CEP250: variants seen among roughly 807,000 people sequenced by gnomAD.
The protein encoded by CEP250 is centrosome-associated protein CEP250.
In CEP250, 242 loss-of-function variants were observed where a neutral mutation model predicts 315.7. The observed-to-expected ratio is 0.77, with a 90% CI of 0.69 to 0.85. CEP250 has a LOEUF of 0.85. Ranked by LOEUF, CEP250 falls within the 40% of genes least tolerant of loss-of-function variation. The pLI is 0.00. For synonymous variants in CEP250, 1,088 were observed against 1,175.0 expected (o/e 0.93, Z 1.51); for missense variants, 2,515 against 2,886.4 (o/e 0.87, Z 2.95).
rs10649518 is a variant in CEP250 at position 35,467,943 on chromosome 20, C to CTTTTTT, written c.851+403_851+408dup. On this transcript the variant is annotated intron_variant, in intron 9 of 34. Transcript: ENST00000397527. ...CTAAGACATAGTTCAAATATTACCT[C>CTTTTTT]TTTTTTTTTTTTTTTTTTTTGAGAC... Among the ~76,000 whole-genome samples, 438 of 117,932 alleles carry CTTTTTT rather than the reference C, an allele frequency of 3.7e-3. 16 individuals are homozygous for CTTTTTT. The highest frequency in any genetic ancestry group is 0.012 in the African/African-American group (352 of 28,412). The allele number at this position is 117,932 out of a possible 152,430, so 77.4% of individuals were successfully genotyped here. A position where few individuals can be genotyped will look rare whatever the true frequency, so the allele number is the denominator to read the frequency against.
At chr20:35,470,329 AC>A (rs1338714223) in intron 10 of CEP250, among the ~76,000 whole-genome samples, 2 of 152,244 alleles carry the variant, frequency 1.3e-5, no homozygotes, top group Non-Finnish European at 2.9e-5. Context: ...AAATCTAGTC[AC>A]ATGGGAAACA....
At chr20:35,509,224 A>G (rs1169724756) in intron 33 of CEP250, among the ~76,000 whole-genome samples, 180 bp downstream of exon 33, 1 of 152,136 alleles carries the variant, frequency 6.6e-6, no homozygotes, top group Admixed American at 6.5e-5. Context: ...AAGGAGGCCC[A>G]ACATTGGGGT....
At chr20:35,486,502 C>A (rs552482142) in intron 20 of CEP250, among the ~76,000 whole-genome samples, 1 of 152,192 alleles carries the variant, frequency 6.6e-6, no homozygotes, top group East Asian at 1.9e-4. Context: ...CACAGCCTCC[C>A]AAACTGCTGG....
rs1451562176 is a variant in CEP250 at position 35,503,581 on chromosome 20, G to A, written c.5212G>A (p.Val1738Met). 1.2e-6 allele frequency: 2 copies of A among 1,614,016 alleles called. No homozygotes were observed. Among genetic ancestry groups the A allele is most frequent in the African/African-American group, 1.3e-5 (1 of 74,924 alleles). ...KLILRDKEKEVECQQEHIHEL... is the reference protein window; with the variant it reads ...KLILRDKEKEMECQQEHIHEL... ...GATCCTGCGTGATAAGGAGAAGGAG[G>A]TGGAATGTCAGCAGGAGCATATCCA... is the stretch of plus-strand genomic sequence containing the variant. Residue 1738 changes from valine (V) to methionine (M), a missense_variant, in exon 30 of 35, where the codon GTG (valine) becomes ATG (methionine). Physicochemically the swap from Val to Met is conservative, Grantham distance 21. Coordinates refer to ENST00000397527, the MANE Select transcript of CEP250 (RefSeq NM_007186.6). This position sits in a 1 kb window ranked among gnomAD's most constrained non-coding sequence, Gnocchi z 4.2.
At chr20:35,494,099 C>T (rs1371776732) in intron 23 of CEP250, among the ~76,000 whole-genome samples, 1 of 152,166 alleles carries the variant, frequency 6.6e-6, no homozygotes. Context: ...CCTCAGCCCC[C>T]TGAGTAGCTG....
At position 35,497,723 on chromosome 20, in the gene CEP250, A is replaced by G; in HGVS notation, c.3311A>G (p.Glu1104Gly). 2 of 1,545,470 alleles carry G rather than the reference A, an allele frequency of 1.3e-6. No individual in the cohort carries two copies. Among genetic ancestry groups the G allele is most frequent in the Non-Finnish European group, 1.7e-6 (2 of 1,142,928 alleles). Residue 1104 changes from glutamate (E) to glycine (G), a missense_variant, in exon 26 of 35, where the codon GAA becomes GGA. Physicochemically the swap from Glu to Gly is moderately conservative, Grantham distance 98 (BLOSUM62 -2). Transcript: ENST00000397527. ...GEQKELSAQM[E>G]LLRQEVKEKE... The stretch of plus-strand genomic sequence containing the variant: ...TGTAAAATTCTTCCTTGACAGATGG[A>G]ATTACTAAGGCAAGAGGTGAAGGAA...
At chr20:35,463,534 C>G (rs2062805154) in intron 4 of CEP250, 41 bp from the exon 5 acceptor site, 2 of 1,563,538 alleles carry the variant, frequency 1.3e-6, no homozygotes, top group Non-Finnish European at 1.7e-6. Flanking sequence ...CTGTTTGTGC[C>G]AGCTGTGTTC....
chr20:35,489,187 C>CAAA (rs56824051), intron 20 of CEP250, among the ~76,000 whole-genome samples: 10,134 of 124,594 alleles, frequency 0.081, 495 homozygotes, highest in African/African-American at 0.14. Flanking sequence ...GACTCTGTCT[C>CAAA]AAAAAAAAAA....
intron 3 of CEP250, among the ~76,000 whole-genome samples, chr20:35,461,801 A>C (rs2062762240): frequency 6.6e-6 from 1 of 152,232 alleles, no homozygotes; most frequent in East Asian, 1.9e-4. Context: ...TAAAGCACTT[A>C]AAGCAACAGC....
chr20:35,485,645 CTTTTT>C (rs782622070), intron 20 of CEP250, among the ~76,000 whole-genome samples: 5 of 33,788 alleles, frequency 1.5e-4, no homozygotes, highest in African/African-American at 3.7e-4. Context: ...GTCTGCCTGG[CTTTTT>C]TTTTTTTTTT....
intron 30 of CEP250, 96 bp downstream of exon 30, chr20:35,505,101 G>A (rs2064148576): frequency 9.4e-7 from 1 of 1,061,516 alleles, no homozygotes; most frequent in Non-Finnish European, 1.3e-6. Flanking sequence ...GGCACCTCAG[G>A]GGTATGAGAA....
chr20:35,473,576 C>T (rs1224648486), intron 13 of CEP250, 24 bp downstream of exon 13: 1 of 1,587,188 alleles, frequency 6.3e-7, no homozygotes, highest in African/African-American at 1.3e-5. Flanking sequence ...CTGTTCATCC[C>T]ACCCTCCCAG....
intron 20 of CEP250, among the ~76,000 whole-genome samples, chr20:35,486,758 A>G (rs1388076149): frequency 6.6e-6 from 1 of 152,196 alleles, no homozygotes; most frequent in Non-Finnish European, 1.5e-5. Context: ...ATTATGAGGC[A>G]GGCTTATTGG....
intron 23 of CEP250, 178 bp from the exon 24 acceptor site, chr20:35,494,346 T>G: frequency 2.7e-6 from 2 of 728,158 alleles, no homozygotes; most frequent in Non-Finnish European, 4.5e-6. Flanking sequence ...CCAGGCCGAA[T>G]TGTATTGAGG....
Position 35,477,682 on chromosome 20 carries a change from C to T in CEP250, c.1864-189C>T, listed in dbSNP as rs1444478644. The stretch of plus-strand genomic sequence containing the variant: ...CTTGCATATCTCCGTCCCCAGCATC[C>T]AGCCCATCTAGTACCTGGAATATAG... On this transcript the variant is annotated intron_variant, in intron 16 of 34. Transcript: ENST00000397527. 3.2e-5 allele frequency: 19 copies of T among 594,340 alleles called. 1 individual carries two copies. The highest frequency in any genetic ancestry group is 6.2e-5 in the South Asian group (3 of 48,630). The allele number at this position is 594,340 out of a possible 1,614,324, so 36.8% of individuals were successfully genotyped here. A position where few individuals can be genotyped will look rare whatever the true frequency, so the allele number is the denominator to read the frequency against.
At chr20:35,467,890 T>C (rs2146728768) in intron 9 of CEP250, among the ~76,000 whole-genome samples, 1 of 150,178 alleles carries the variant, frequency 6.7e-6, no homozygotes, top group South Asian at 2.1e-4. Flanking sequence ...CTGGAATGCC[T>C]CCCTCCCTTC....
chr20:35,494,762 A>G, intron 24 of CEP250, 105 bp downstream of exon 24: 1 of 1,296,284 alleles, frequency 7.7e-7, no homozygotes, highest in Non-Finnish European at 1.1e-6. Context: ...CATGTCTGCA[A>G]CTCTGGGATG....
chr20:35,498,747 C>G (rs567708260), intron 27 of CEP250, 31 bp downstream of exon 27: 3 of 1,529,754 alleles, frequency 2.0e-6, no homozygotes, highest in African/African-American at 1.4e-5. Context: ...TTCCCGAACT[C>G]TTTACATCCC....
rs2147252489 is a variant in CEP250, at chr20:35,513,539, T to A, written c.*1913T>A. ...TCCCAAAATGTTGGGATTACGGGCATGAGCCACCGCGCCCGGCCCTTTAGG... is the reference window on the plus strand; with the variant it reads ...TCCCAAAATGTTGGGATTACGGGCAAGAGCCACCGCGCCCGGCCCTTTAGG... On this transcript the variant is annotated 3_prime_UTR_variant, in exon 35 of 35. Coordinates refer to ENST00000397527, the MANE Select transcript of CEP250 (RefSeq NM_007186.6). 1 of 152,364 alleles carries A rather than the reference T, an allele frequency of 6.6e-6. No homozygotes were observed. Among genetic ancestry groups the A allele is most frequent in the East Asian group, 1.9e-4 (1 of 5,178 alleles). The allele number at this position is 152,364 out of a possible 1,614,324, so 9.4% of individuals were successfully genotyped here. A position where few individuals can be genotyped will look rare whatever the true frequency, so the allele number is the denominator to read the frequency against.
Sources: gnomAD v4.1 joint callset for allele counts (sites outside exome capture counted in the v4.1 genomes callset) on GRCh38, gnomAD v4.1.1 for gene constraint, Gnocchi (gnomAD v3.1) non-coding constraint, MANE v1.5 for transcripts, NCBI Gene and HGNC (gene_info 2026-07-23, HGNC 2026-07-21) for gene names.